Variants in DCC observed in about 807,000 individuals in gnomAD.
DCC encodes netrin receptor DCC.
A neutral mutation model predicts 172.5 loss-of-function variants in DCC; 58 were observed. The ratio of observed to expected loss-of-function variants is 0.34; its 90% CI spans 0.27 to 0.42. DCC has a LOEUF of 0.42. DCC is among the 10% of genes least tolerant of loss of function. The probability of loss-of-function intolerance (pLI) is 1.00; values close to 1 mark genes in which losing one functional copy is unlikely to be tolerated. For missense variants in DCC, 1,740 were observed against 1,791.0 expected (o/e 0.97, Z 0.51); for synonymous variants, 709 against 644.5 (o/e 1.10, Z -1.52).
intron 5 of DCC, among the ~76,000 whole-genome samples, chr18:52,979,284 C>T (rs895863457): frequency 6.6e-6 from 1 of 152,130 alleles, no homozygotes; most frequent in African/African-American, 2.4e-5. Flanking sequence ...ATCAGTTTGA[C>T]TATCTCTTCC....
intron 2 of DCC, among the ~76,000 whole-genome samples, chr18:52,798,975 C>T (rs902663554): frequency 1.3e-5 from 2 of 152,100 alleles, no homozygotes; most frequent in Admixed American, 6.5e-5. Context: ...TCTCGAACTC[C>T]TGACCTTAGG....
chr18:52,489,731 GC>G (rs1354513444), intron 1 of DCC, among the ~76,000 whole-genome samples: 1 of 152,068 alleles, frequency 6.6e-6, no homozygotes, highest in Non-Finnish European at 1.5e-5. Flanking sequence ...GATCAGATTT[GC>G]CTATCACTGT....
At chr18:53,302,141 G>A (rs1040003384) in intron 12 of DCC, among the ~76,000 whole-genome samples, 4 of 151,764 alleles carry the variant, frequency 2.6e-5, no homozygotes, top group Admixed American at 6.6e-5. Flanking sequence ...ACCTACCCTC[G>A]TGAACTAATT....
intron 1 of DCC, among the ~76,000 whole-genome samples, chr18:52,743,776 T>C (rs1275271642): frequency 3.9e-5 from 6 of 152,244 alleles, no homozygotes; most frequent in Admixed American, 2.0e-4. Context: ...GACAGTTGCT[T>C]TGTGAACTCC....
At chr18:52,366,568 G>A (rs1984866875) in intron 1 of DCC, among the ~76,000 whole-genome samples, 1 of 152,090 alleles carries the variant, frequency 6.6e-6, no homozygotes, top group Admixed American at 6.6e-5. Flanking sequence ...AGGTTCTCCA[G>A]GGCACCACCA....
At chr18:53,290,215 T>C (rs1343983244) in intron 12 of DCC, among the ~76,000 whole-genome samples, 2 of 152,194 alleles carry the variant, frequency 1.3e-5, no homozygotes, top group Admixed American at 6.5e-5. Flanking sequence ...ATTTACCTCA[T>C]CCCTGGTAGG....
At chr18:52,776,656 A>T (rs903919994) in intron 2 of DCC, among the ~76,000 whole-genome samples, 1 of 152,154 alleles carries the variant, frequency 6.6e-6, no homozygotes, top group African/African-American at 2.4e-5. Flanking sequence ...CTTATAGTGG[A>T]TCTACTATAC....
intron 1 of DCC, among the ~76,000 whole-genome samples, chr18:52,566,561 G>T (rs1032748240): frequency 3.3e-5 from 5 of 151,948 alleles, no homozygotes; most frequent in African/African-American, 1.2e-4. Flanking sequence ...ACTGACCCAG[G>T]TCACGTTGCA....
intron 14 of DCC, among the ~76,000 whole-genome samples, chr18:53,336,922 A>G (rs979961503): frequency 6.6e-6 from 1 of 152,234 alleles, no homozygotes; most frequent in African/African-American, 2.4e-5. Flanking sequence ...TGAAGAGGCA[A>G]CATATCTTCT....
intron 7 of DCC, among the ~76,000 whole-genome samples, chr18:53,143,537 T>C (rs1051672667): frequency 1.3e-5 from 2 of 152,236 alleles, no homozygotes; most frequent in East Asian, 3.8e-4. Flanking sequence ...CTCTGGTTCA[T>C]CTTGAGGATT....
At chr18:52,823,663 G>A (rs1260743983) in intron 2 of DCC, among the ~76,000 whole-genome samples, 2 of 152,108 alleles carry the variant, frequency 1.3e-5, no homozygotes, top group Non-Finnish European at 2.9e-5. Context: ...TATAAATTGT[G>A]TTATAAGAAA....
rs1303235501 is a variant in DCC, at chr18:53,039,008, AAAT to A, written c.986-24295_986-24293del. On this transcript the variant is annotated intron_variant, in intron 5 of 28. Coordinates refer to ENST00000442544, the MANE Select transcript of DCC (RefSeq NM_005215.4). ...CTAATCAGCTGTCACATCAGGGAAAAAATATCTTGGAGAAATGTTGAGGTCGCC... is the reference window on the plus strand; with the variant it reads ...CTAATCAGCTGTCACATCAGGGAAAAATCTTGGAGAAATGTTGAGGTCGCC... 2.0e-5 allele frequency among the ~76,000 whole-genome samples: 3 copies of A among 152,024 alleles called. No homozygotes were observed. In the East Asian group the frequency reaches 5.8e-4, roughly 30 times the overall value.
At chr18:52,351,589 A>C (rs1472973586) in intron 1 of DCC, among the ~76,000 whole-genome samples, 2 of 152,190 alleles carry the variant, frequency 1.3e-5, no homozygotes, top group African/African-American at 4.8e-5. Context: ...CTTGGTAATA[A>C]GTCATTTCTC....
intron 1 of DCC, among the ~76,000 whole-genome samples, chr18:52,496,857 A>G (rs1598864395): frequency 6.6e-6 from 1 of 152,026 alleles, no homozygotes; most frequent in African/African-American, 2.4e-5. Context: ...AAAATAGAAG[A>G]TTGTGCTTGT....
At chr18:53,134,016 G>T (rs538695623) in intron 7 of DCC, among the ~76,000 whole-genome samples, 13 of 152,288 alleles carry the variant, frequency 8.5e-5, no homozygotes, top group African/African-American at 2.6e-4. Flanking sequence ...TAGGTTAATG[G>T]AGTCAGATGG....
chr18:52,647,347 A>G (rs559647676), intron 1 of DCC, among the ~76,000 whole-genome samples: 1 of 152,236 alleles, frequency 6.6e-6, no homozygotes, highest in African/African-American at 2.4e-5. Flanking sequence ...CTCCTACCCA[A>G]CTTGAAGCCT....
chr18:52,802,592 T>TTTCAGCTTTC lies in DCC; in HGVS notation c.412+50220_412+50229dup, dbSNP rs984430023. On this transcript the variant is annotated intron_variant, in intron 2 of 28. Coordinates refer to ENST00000442544, the MANE Select transcript of DCC (RefSeq NM_005215.4). ...CTCCTGAGCTCAAGTGGTCCTCCTG[T>TTTCAGCTTTC]TTCAGCTTTCTGAGTAATCGGAACC... Among the ~76,000 whole-genome samples the TTTCAGCTTTC allele has an allele frequency of 2.0e-5, 3 of 147,582 alleles. No individual in the cohort carries two copies. The Admixed American group carries it at 2.1e-4, about 10-fold the overall frequency.
intron 1 of DCC, among the ~76,000 whole-genome samples, chr18:52,712,837 T>C (rs1187902801): frequency 1.3e-5 from 2 of 152,172 alleles, no homozygotes; most frequent in African/African-American, 4.8e-5. Context: ...CAGATGGATA[T>C]GTTTAAAAGG....
At chr18:52,677,140 C>A (rs959418417) in intron 1 of DCC, among the ~76,000 whole-genome samples, 2 of 152,064 alleles carry the variant, frequency 1.3e-5, no homozygotes, top group East Asian at 3.9e-4. Flanking sequence ...ATGAAACGGG[C>A]CTTAATTCTT....
Sources: gnomAD v4.1 joint callset for allele counts (sites outside exome capture counted in the v4.1 genomes callset) on GRCh38, gnomAD v4.1.1 for gene constraint, MANE v1.5 for transcripts, NCBI Gene and HGNC (gene_info 2026-07-23, HGNC 2026-07-21) for gene names.